Variants in PDILT observed in about 807,000 individuals in gnomAD.
PDILT encodes protein disulfide isomerase like, testis expressed.
Under a neutral mutation model 53.7 loss-of-function variants are expected in PDILT, and 43 were observed. The observed-to-expected ratio is 0.80, with a 90% confidence interval of 0.63 to 1.03. PDILT has a LOEUF of 1.03. Among genes scored for constraint, PDILT ranks in the 50% least tolerant of loss-of-function variants. The pLI is 0.00. For synonymous variants in PDILT, 282 were observed against 274.2 expected (o/e 1.03, Z -0.28); for missense variants, 727 against 712.3 (o/e 1.02, Z -0.24).
intron 3 of PDILT, among the ~76,000 whole-genome samples, chr16:20,379,593 G>A (rs1166985751): frequency 6.6e-6 from 1 of 152,220 alleles, no homozygotes; most frequent in Non-Finnish European, 1.5e-5. Flanking sequence ...GGGATTCCAG[G>A]CATGAGTCAC....
rs377332564 is a variant in PDILT, at chr16:20,384,658, G to T, written c.396C>A (p.Pro132=). Reference sequence around the variant, plus strand: ...AAGCACCATTACCTTTGCAGCTGATGGGCTCTGACCTGTTGCCCTCAAAAA... The same window carrying T: ...AAGCACCATTACCTTTGCAGCTGATTGGCTCTGACCTGTTGCCCTCAAAAA... ...KLFFEGNRSE[P]ISCKGVVESA... Residue 132 remains proline, a synonymous_variant, in exon 3 of 12, where the codon CCC becomes CCA. Transcript: ENST00000302451. 2 of 1,614,158 alleles carry T rather than the reference G, an allele frequency of 1.2e-6. No homozygotes were observed. Among genetic ancestry groups the T allele is most frequent in the Admixed American group, 1.7e-5 (1 of 60,024 alleles).
At chr16:20,377,960 GA>G (rs922680091) in intron 3 of PDILT, among the ~76,000 whole-genome samples, 197 of 134,046 alleles carry the variant, frequency 1.5e-3, no homozygotes, top group East Asian at 0.014. Context: ...TCTTTAAAAA[GA>G]AAAAAAAAAA....
chr16:20,403,479 G>A (rs376634109), intron 1 of PDILT, among the ~76,000 whole-genome samples: 11 of 151,872 alleles, frequency 7.2e-5, no homozygotes, highest in African/African-American at 2.2e-4. Flanking sequence ...TAGTAGAAAC[G>A]GGATTTCACC....
At position 20,359,451 on chromosome 16, in the gene PDILT, C is replaced by A. The variant is rs767601860; in HGVS notation, c.1623G>T (p.Met541Ile). Residue 541 changes from methionine to isoleucine, a missense_variant, in exon 12 of 12, where the codon ATG becomes ATT. Transcript: ENST00000302451. The stretch of plus-strand genomic sequence containing the variant: ...CTTCCAGCTTGGATACGTACTTGGT[C>A]ATGTTCTCCAGCTCAGGCGACTGCT... ...PEQQSPELEN[M>I]TKYVSKLEEP... 1.2e-4 allele frequency: 198 copies of A among 1,614,012 alleles called. No homozygotes were observed. Among genetic ancestry groups the A allele is most frequent in the Non-Finnish European group, 1.6e-4 (194 of 1,180,048 alleles).
At chr16:20,391,477 G>C (rs1360671256) in intron 2 of PDILT, among the ~76,000 whole-genome samples, 7 of 152,148 alleles carry the variant, frequency 4.6e-5, no homozygotes, top group Non-Finnish European at 1.0e-4. Flanking sequence ...AGGGACAAGT[G>C]ATAAAGGACC....
At chr16:20,361,890 C>T (rs1181224055) in intron 10 of PDILT, among the ~76,000 whole-genome samples, 3 of 152,220 alleles carry the variant, frequency 2.0e-5, no homozygotes, top group Non-Finnish European at 4.4e-5. Flanking sequence ...AACCTGGGCT[C>T]ACATTTCTTT....
intron 2 of PDILT, among the ~76,000 whole-genome samples, chr16:20,387,073 A>T (rs1243009535): frequency 1.3e-5 from 2 of 152,208 alleles, no homozygotes. Context: ...TTATGCATTC[A>T]TTCATTTATT....
intron 3 of PDILT, among the ~76,000 whole-genome samples, chr16:20,384,178 G>C (rs1399995085): frequency 6.6e-6 from 1 of 152,014 alleles, no homozygotes; most frequent in African/African-American, 2.4e-5. Context: ...TTAATCTCTG[G>C]TGTCTGATAG....
intron 2 of PDILT, among the ~76,000 whole-genome samples, chr16:20,395,152 G>T (rs541651921): frequency 6.6e-6 from 1 of 152,122 alleles, no homozygotes; most frequent in African/African-American, 2.4e-5. Context: ...CTATAACCTT[G>T]GATCTTATGG....
intron 11 of PDILT, among the ~76,000 whole-genome samples, 168 bp downstream of exon 11, chr16:20,360,400 T>C (rs1382492286): frequency 6.6e-6 from 1 of 152,158 alleles, no homozygotes; most frequent in Non-Finnish European, 1.5e-5. Flanking sequence ...AGTAAGTGCC[T>C]TTGAAATAAA....
intron 8 of PDILT, among the ~76,000 whole-genome samples, chr16:20,366,936 T>TTTCTTTCC (rs1966200762): frequency 5.6e-5 from 2 of 35,668 alleles, no homozygotes; most frequent in Admixed American, 2.1e-4. Flanking sequence ...AACCAAATTC[T>TTTCTTTCC]TTCCTTCCTT....
At chr16:20,402,519 G>T (rs147511823) in intron 1 of PDILT, among the ~76,000 whole-genome samples, 50 of 152,276 alleles carry the variant, frequency 3.3e-4, no homozygotes, top group African/African-American at 1.2e-3. Flanking sequence ...GGCTGGTCTG[G>T]AACTCCTGAC....
At chr16:20,366,806 G>A (rs1322672553) in intron 8 of PDILT, among the ~76,000 whole-genome samples, 1 of 151,986 alleles carries the variant, frequency 6.6e-6, no homozygotes, top group Non-Finnish European at 1.5e-5. Context: ...CATCTTGATT[G>A]CCAGAAGAGC....
At chr16:20,400,025 T>G (rs1013643647) in intron 1 of PDILT, among the ~76,000 whole-genome samples, 9 of 113,200 alleles carry the variant, frequency 8.0e-5, no homozygotes, top group African/African-American at 3.5e-4. Context: ...TATCTATCTA[T>G]CTATCTATCT....
chr16:20,368,844 A>G (rs1966258508), intron 8 of PDILT, among the ~76,000 whole-genome samples: 1 of 152,124 alleles, frequency 6.6e-6, no homozygotes, highest in Non-Finnish European at 1.5e-5. Flanking sequence ...TCAACTTTGC[A>G]AAGTGCTGGG....
chr16:20,393,762 G>A (rs922013959), intron 2 of PDILT, among the ~76,000 whole-genome samples: 10 of 152,168 alleles, frequency 6.6e-5, no homozygotes, highest in South Asian at 2.1e-4. Context: ...GACAGTGTGA[G>A]GTTGGCTGGA....
intron 5 of PDILT, 56 bp downstream of exon 5, chr16:20,374,766 C>A: frequency 6.5e-7 from 1 of 1,548,734 alleles, no homozygotes. Flanking sequence ...AAAGCTCATA[C>A]GATTCCACTA....
intron 1 of PDILT, among the ~76,000 whole-genome samples, chr16:20,401,417 T>C (rs981563062): frequency 6.6e-6 from 1 of 152,208 alleles, no homozygotes; most frequent in African/African-American, 2.4e-5. Flanking sequence ...AGAGAGTTAG[T>C]TTTTATTCTA....
chr16:20,381,890 C>G (rs1445563308), intron 3 of PDILT, among the ~76,000 whole-genome samples: 3 of 152,012 alleles, frequency 2.0e-5, no homozygotes, highest in Non-Finnish European at 2.9e-5. Context: ...AAATCTAAAA[C>G]TTTTATTATT....
Sources: allele counts gnomAD v4.1 joint callset (sites outside exome capture counted in the v4.1 genomes callset), GRCh38; gene constraint gnomAD v4.1.1; transcripts MANE v1.5; gene names NCBI Gene and HGNC (gene_info 2026-07-23, HGNC 2026-07-21).